The following PTMS variants were observed in gnomAD, a reference collection of about 807,000 sequenced individuals.
The protein encoded by PTMS is parathymosin.
In PTMS, 5 loss-of-function variants were observed where a neutral mutation model predicts 18.4. The ratio of observed to expected loss-of-function variants is 0.27; its 90% CI spans 0.14 to 0.57. PTMS has a LOEUF of 0.57. Among genes scored for constraint, PTMS ranks in the 20% least tolerant of loss-of-function variants. The pLI, the probability that PTMS is intolerant of heterozygous loss-of-function variation, is 0.92. For synonymous variants in PTMS, 53 were observed against 47.7 expected (o/e 1.11, Z -0.46); for missense variants, 93 against 124.6 (o/e 0.75, Z 1.21).
At chr12:6,769,728 T>A in intron 2 of PTMS, 54 bp downstream of exon 2, 1 of 1,608,172 alleles carries the variant, frequency 6.2e-7, no homozygotes, top group Non-Finnish European at 8.5e-7. Context: ...TCCCTCCCAA[T>A]CATCTCATCC....
intron 1 of PTMS, chr12:6,767,261 CCT>C (rs1941779114): frequency 1.3e-5 from 2 of 152,288 alleles, no homozygotes; most frequent in South Asian, 2.1e-4. Context: ...ACGGCGGCCG[CCT>C]CTGTTTTCTC....
In PTMS at chr12:6,770,803, T is replaced by G; in HGVS notation, c.*361T>G. The G allele has an allele frequency of 2.2e-5, 6 of 275,442 alleles. No individual in the cohort carries two copies. The highest frequency in any genetic ancestry group is 4.6e-5 in the Admixed American group (1 of 21,614). The allele number at this position is 275,442 out of a possible 1,614,324, so 17.1% of individuals were successfully genotyped here. On this transcript the variant is annotated 3_prime_UTR_variant, in exon 5 of 5. Transcript: ENST00000309083. This position sits in a 1 kb window ranked among gnomAD's most constrained non-coding sequence, Gnocchi z 7.3. ...CTCATGTCCTGCCCCATCCCTATCCTGCCTGATCCCTGGATCTCCCTCAGA... is the reference window on the plus strand; with the variant it reads ...CTCATGTCCTGCCCCATCCCTATCCGGCCTGATCCCTGGATCTCCCTCAGA...
chr12:6,767,289 C>T (rs1229185266), intron 1 of PTMS: 4 of 152,194 alleles, frequency 2.6e-5, no homozygotes, highest in Non-Finnish European at 4.4e-5. Context: ...CTCCCCTCAG[C>T]TGGCTTTCAG....
At position 6,766,563 on chromosome 12, in the gene PTMS, C is replaced by A; in HGVS notation, c.-143C>A. The A allele has an allele frequency of 5.9e-6, 2 of 340,630 alleles. No homozygotes were observed. Among genetic ancestry groups the A allele is most frequent in the South Asian group, 3.6e-5 (1 of 28,136 alleles). The allele number at this position is 340,630 out of a possible 1,614,324, so 21.1% of individuals were successfully genotyped here. On this transcript the variant is annotated 5_prime_UTR_variant, in exon 1 of 5. Transcript: ENST00000309083. Reference sequence around the variant, plus strand: ...CGCCTCTTCCAGAGACCCAGCTTGCCGAGCGGCCGCCGCTGCCGCTGTCGC... The same window carrying A: ...CGCCTCTTCCAGAGACCCAGCTTGCAGAGCGGCCGCCGCTGCCGCTGTCGC...
At chr12:6,769,760 G>A in intron 2 of PTMS, 86 bp downstream of exon 2, 1 of 1,601,880 alleles carries the variant, frequency 6.2e-7, no homozygotes, top group Non-Finnish European at 8.5e-7. Flanking sequence ...TCCTTCCGAG[G>A]GTGCTGGGTC....
At position 6,766,578 on chromosome 12, in the gene PTMS, GCCGCTGTCGCCGCCGCCGCCGCCA is replaced by G; in HGVS notation, c.-123_-100del. 2.4e-6 allele frequency: 1 copy of G among 422,802 alleles called. No individual in the cohort carries two copies. The highest frequency in any genetic ancestry group is 3.8e-5 in the South Asian group (1 of 26,428). The allele number at this position is 422,802 out of a possible 1,614,324, so 26.2% of individuals were successfully genotyped here. On this transcript the variant is annotated 5_prime_UTR_variant, in exon 1 of 5. Coordinates refer to ENST00000309083, the MANE Select transcript of PTMS (RefSeq NM_002824.6). ...CCCAGCTTGCCGAGCGGCCGCCGCT[GCCGCTGTCGCCGCCGCCGCCGCCA>G]CCGCGCCAGGTTCCGGCCGCGGCCA... is the stretch of plus-strand genomic sequence containing the variant.
intron 1 of PTMS, chr12:6,767,118 C>G (rs1418388634): frequency 6.5e-6 from 1 of 153,488 alleles, no homozygotes; most frequent in Non-Finnish European, 1.4e-5. Context: ...GCTGCCGCGT[C>G]TTTGCTTGCA....
intron 1 of PTMS, chr12:6,767,598 C>CGTG (rs1555110919): frequency 9.1e-5 from 1 of 11,008 alleles, no homozygotes; most frequent in African/African-American, 6.3e-4. Flanking sequence ...ATGTGTATGG[C>CGTG]GGGGGGGGGG....
chr12:6,766,856 G>C (rs1462357399), intron 1 of PTMS, 106 bp downstream of exon 1: 220 of 753,992 alleles, frequency 2.9e-4, no homozygotes, highest in Non-Finnish European at 3.4e-4. Context: ...CTTGCGCCCG[G>C]GTCCTGGCGG....
rs1262772775 is a variant in PTMS, at chr12:6,766,666, AC to A, written c.-36del. ...AGGGCCCCTCCGTCTCGGCCCCGGG[AC>A]CCCGGCTCCCCGCCAGCCCCGGCCC... is the stretch of plus-strand genomic sequence containing the variant. On this transcript the variant is annotated 5_prime_UTR_variant, in exon 1 of 5. Transcript: ENST00000309083. 4.6e-6 allele frequency: 5 copies of A among 1,095,698 alleles called. No individual in the cohort carries two copies. The highest frequency in any genetic ancestry group is 2.8e-5 in the South Asian group (1 of 35,860). The allele number at this position is 1,095,698 out of a possible 1,614,324, so 67.9% of individuals were successfully genotyped here. A position where few individuals can be genotyped will look rare whatever the true frequency, so the allele number is the denominator to read the frequency against.
chr12:6,769,306 A>T, intron 1 of PTMS: 1 of 443,378 alleles, frequency 2.3e-6, no homozygotes, highest in Non-Finnish European at 4.1e-6. Flanking sequence ...TGAACTCTTC[A>T]GCCAGTGAGG....
chr12:6,769,265 A>C (rs2137800241), intron 1 of PTMS: 2 of 319,802 alleles, frequency 6.3e-6, no homozygotes, highest in South Asian at 3.2e-5. Context: ...CTGAGGCTGC[A>C]AGCAGATGGA....
chr12:6,770,429 G>GGGCATC lies in PTMS; in HGVS notation c.300_305dup (p.Ser101_Ala102dup). On this transcript the variant is annotated inframe_insertion, in exon 5 of 5. Coordinates refer to ENST00000309083, the MANE Select transcript of PTMS (RefSeq NM_002824.6). The surrounding 1 kb of genome is among the most constrained non-coding windows in gnomAD (Gnocchi z 7.3). ...CCCAAACGGCAGAAGACAGAAAATG[G>GGGCATC]GGCATCGGCGTGAGCCCCTGCCAAC... 1 of 1,613,484 alleles carries GGGCATC rather than the reference G, an allele frequency of 6.2e-7. No individual in the cohort carries two copies. The highest frequency in any genetic ancestry group is 1.1e-5 in the South Asian group (1 of 91,032).
In PTMS at chr12:6,766,506, A is replaced by ACCC; in HGVS notation, c.-199_-197dup. On this transcript the variant is annotated 5_prime_UTR_variant, in exon 1 of 5. Transcript: ENST00000309083. ...GCAGCCCTGCGGGTCTCCGCTCCAG[A>ACCC]CCCACCCCCGCCCCACCCCGCGCGC... 4.3e-6 allele frequency: 1 copy of ACCC among 233,642 alleles called. No homozygotes were observed. The highest frequency in any genetic ancestry group is 8.7e-6 in the Non-Finnish European group (1 of 115,076). The allele number at this position is 233,642 out of a possible 1,614,324, so 14.5% of individuals were successfully genotyped here. A position where few individuals can be genotyped will look rare whatever the true frequency, so the allele number is the denominator to read the frequency against.
At chr12:6,767,984 C>T (rs1941794932) in intron 1 of PTMS, among the ~76,000 whole-genome samples, 1 of 152,204 alleles carries the variant, frequency 6.6e-6, no homozygotes, top group South Asian at 2.1e-4. Flanking sequence ...CGTGGGTGCT[C>T]CTCTCTAACT....
intron 2 of PTMS, 57 bp downstream of exon 2, chr12:6,769,731 T>C (rs1265529969): frequency 6.2e-7 from 1 of 1,607,796 alleles, no homozygotes; most frequent in Non-Finnish European, 8.5e-7. Context: ...CTCCCAATCA[T>C]CTCATCCTTC....
chr12:6,770,369 C>A lies in PTMS; in HGVS notation c.259-23C>A, dbSNP rs778039565. 3.1e-6 allele frequency: 5 copies of A among 1,613,750 alleles called. No individual in the cohort carries two copies. In the Admixed American group the frequency reaches 5.0e-5, roughly 16 times the overall value. On this transcript the variant is annotated intron_variant, in intron 4 of 4. Coordinates refer to ENST00000309083, the MANE Select transcript of PTMS (RefSeq NM_002824.6). The surrounding 1 kb of genome is among the most constrained non-coding windows in gnomAD (Gnocchi z 7.3). ...GGTCTCCCCTCCCATTTTACAGCTCCCCCATTCTCTCCCTCTCCACAGGAT... is the reference window on the plus strand; with the variant it reads ...GGTCTCCCCTCCCATTTTACAGCTCACCCATTCTCTCCCTCTCCACAGGAT...
rs377604795 is a variant in PTMS, at chr12:6,770,343, A to T, written c.259-49A>T. The T allele has an allele frequency of 3.1e-6, 5 of 1,608,676 alleles. No homozygotes were observed. The highest frequency in any genetic ancestry group is 2.7e-5 in the African/African-American group (2 of 74,522). ...GCTGGAACAGGACCGGGACAGGGGG[A>T]GGTCTCCCCTCCCATTTTACAGCTC... On this transcript the variant is annotated intron_variant, in intron 4 of 4. Transcript: ENST00000309083. This position sits in a 1 kb window ranked among gnomAD's most constrained non-coding sequence, Gnocchi z 7.3.
Position 6,769,530 on chromosome 12 carries a change from G to C in PTMS, c.46-73G>C, listed in dbSNP as rs1168630921. On this transcript the variant is annotated intron_variant, in intron 1 of 4. Coordinates refer to ENST00000309083, the MANE Select transcript of PTMS (RefSeq NM_002824.6). ...CACCTCTAAGCTCACTACAGAGGGA[G>C]AACTGGGGCTGCAGGGACTTAGGGG... is the stretch of plus-strand genomic sequence containing the variant. 6 of 1,502,966 alleles carry C rather than the reference G, an allele frequency of 4.0e-6. No homozygotes were observed. In the African/African-American group the frequency reaches 6.9e-5, roughly 17 times the overall value. 93.1% of individuals were successfully genotyped at this position (1,502,966 alleles called of 1,614,324 possible).
Sources: allele counts gnomAD v4.1 joint callset (sites outside exome capture counted in the v4.1 genomes callset), GRCh38; gene constraint gnomAD v4.1.1; non-coding constraint Gnocchi (gnomAD v3.1); transcripts MANE v1.5; gene names NCBI Gene and HGNC (gene_info 2026-07-23, HGNC 2026-07-21).